TSPAN18: variants seen among roughly 807,000 people sequenced by gnomAD.
TSPAN18 encodes tetraspanin-18.
TSPAN18 carries 14 observed loss-of-function variants against 27.3 expected under a neutral mutation model. The observed-to-expected ratio is 0.51, with a 90% CI of 0.34 to 0.80. TSPAN18 has a LOEUF of 0.80. Among genes scored for constraint, TSPAN18 ranks in the 30% least tolerant of loss-of-function variants. TSPAN18 has a pLI of 0.01. For missense variants in TSPAN18, 268 were observed against 323.9 expected, an observed-to-expected ratio of 0.83 and a Z score of 1.32; for synonymous variants, 143 against 136.5, an observed-to-expected ratio of 1.05 and a Z score of -0.33.
chr11:44,794,405 T>C (rs534135953), intron 2 of TSPAN18, among the ~76,000 whole-genome samples: 15 of 152,308 alleles, frequency 9.8e-5, no homozygotes, highest in Non-Finnish European at 2.2e-4. Flanking sequence ...TGGTAGCTCA[T>C]GCCTGTAATC....
At chr11:44,790,418 T>TGC (rs1338827313) in intron 2 of TSPAN18, among the ~76,000 whole-genome samples, 1 of 150,848 alleles carries the variant, frequency 6.6e-6, no homozygotes, top group African/African-American at 2.4e-5. Flanking sequence ...TGTGTGCATG[T>TGC]GTGTGCATGT....
At chr11:44,858,097 G>C (rs1857784072) in intron 2 of TSPAN18, among the ~76,000 whole-genome samples, 1 of 152,202 alleles carries the variant, frequency 6.6e-6, no homozygotes. Flanking sequence ...ATAAAACGGG[G>C]ATGATAGCAC....
chr11:44,910,490 G>C (rs1161026723), intron 5 of TSPAN18, among the ~76,000 whole-genome samples: 1 of 152,210 alleles, frequency 6.6e-6, no homozygotes, highest in Non-Finnish European at 1.5e-5. Flanking sequence ...TGGCATCCAG[G>C]TCTGAACAAC....
intron 3 of TSPAN18, among the ~76,000 whole-genome samples, chr11:44,897,492 G>T (rs1410295092): frequency 6.6e-6 from 1 of 152,202 alleles, no homozygotes; most frequent in Non-Finnish European, 1.5e-5. Flanking sequence ...GCTAGAATCT[G>T]CAAGTCTATT....
At chr11:44,892,096 T>C (rs111754467) in intron 3 of TSPAN18, among the ~76,000 whole-genome samples, 2,629 of 152,176 alleles carry the variant, frequency 0.017, 36 homozygotes, top group Middle Eastern at 0.048. Flanking sequence ...GGCTGTCTGC[T>C]CTCCCCACAG....
At chr11:44,767,415 G>A (rs1453978417) in intron 2 of TSPAN18, among the ~76,000 whole-genome samples, 1 of 152,260 alleles carries the variant, frequency 6.6e-6, no homozygotes, top group Non-Finnish European at 1.5e-5. Flanking sequence ...GACAGTGTTT[G>A]TGGGAGCTCC....
At chr11:44,807,452 C>T (rs1353464731) in intron 2 of TSPAN18, among the ~76,000 whole-genome samples, 5 of 137,384 alleles carry the variant, frequency 3.6e-5, no homozygotes, top group Non-Finnish European at 7.6e-5. Flanking sequence ...TGCTTGAATC[C>T]GGGAGGCGGA....
At chr11:44,838,998 G>A (rs1857315917) in intron 2 of TSPAN18, among the ~76,000 whole-genome samples, 1 of 152,152 alleles carries the variant, frequency 6.6e-6, no homozygotes, top group South Asian at 2.1e-4. Flanking sequence ...TTTTGTCAAT[G>A]TGGCTAACAT....
At chr11:44,765,356 G>A (rs542342280) in intron 2 of TSPAN18, among the ~76,000 whole-genome samples, 4 of 152,286 alleles carry the variant, frequency 2.6e-5, no homozygotes, top group South Asian at 2.1e-4. Flanking sequence ...TGAAAACTCC[G>A]AGGAGATCTG....
intron 2 of TSPAN18, among the ~76,000 whole-genome samples, chr11:44,829,488 G>T (rs1857111427): frequency 6.6e-6 from 1 of 152,012 alleles, no homozygotes; most frequent in Non-Finnish European, 1.5e-5. Flanking sequence ...TGCATTTAAG[G>T]TTCCCTCATG....
At chr11:44,913,489 A>G (rs773023970) in intron 5 of TSPAN18, among the ~76,000 whole-genome samples, 125 of 152,178 alleles carry the variant, frequency 8.2e-4, no homozygotes, top group Non-Finnish European at 1.6e-3. Flanking sequence ...TATTTCAAGG[A>G]TTTTTTTAAG....
intron 9 of TSPAN18, among the ~76,000 whole-genome samples, chr11:44,927,948 T>TCCCAG (rs1860429396): frequency 1.3e-5 from 2 of 152,112 alleles, no homozygotes; most frequent in South Asian, 4.1e-4. Context: ...GCTGCCTCAC[T>TCCCAG]CCCAGCCCAG....
At chr11:44,790,144 C>CGTGTGTGCATGTGT (rs57149954) in intron 2 of TSPAN18, among the ~76,000 whole-genome samples, 4 of 138,196 alleles carry the variant, frequency 2.9e-5, no homozygotes, top group Admixed American at 1.5e-4. Flanking sequence ...TTTCCACCCG[C>CGTGTGTGCATGTGT]GTGTGTGCAT....
At chr11:44,759,995 A>G (rs1855415868) in intron 1 of TSPAN18, among the ~76,000 whole-genome samples, 1 of 152,216 alleles carries the variant, frequency 6.6e-6, no homozygotes, top group South Asian at 2.1e-4. Flanking sequence ...GGTGAAACTC[A>G]GGGTTAGGAA....
At chr11:44,747,941 AG>A (rs1855118544) in intron 1 of TSPAN18, among the ~76,000 whole-genome samples, 1 of 152,032 alleles carries the variant, frequency 6.6e-6, no homozygotes, top group East Asian at 1.9e-4. Flanking sequence ...TCATCCCCCC[AG>A]TTCCCTCCCT....
At chr11:44,811,874 T>C (rs1856724738) in intron 2 of TSPAN18, among the ~76,000 whole-genome samples, 1 of 152,238 alleles carries the variant, frequency 6.6e-6, no homozygotes, top group East Asian at 1.9e-4. Flanking sequence ...ACAAGTTCCT[T>C]AATGAAGATG....
intron 2 of TSPAN18, among the ~76,000 whole-genome samples, chr11:44,779,237 AC>A (rs1293779397): frequency 2.6e-5 from 4 of 151,848 alleles, no homozygotes; most frequent in Non-Finnish European, 4.4e-5. Context: ...TTCTCAGTTT[AC>A]CCCAGGTCAT....
At chr11:44,907,494 A>G (rs116572488) in intron 4 of TSPAN18, among the ~76,000 whole-genome samples, 3,260 of 152,216 alleles carry the variant, frequency 0.021, 105 homozygotes, top group African/African-American at 0.073. Context: ...TAAAAAATAT[A>G]CACTTCAGCA....
At chr11:44,919,365 T>A in intron 7 of TSPAN18, 53 bp downstream of exon 7, 1 of 1,459,608 alleles carries the variant, frequency 6.9e-7, no homozygotes, top group South Asian at 1.1e-5. Flanking sequence ...ATGCCCAGTG[T>A]TCACATGCCC....
Sources: gnomAD v4.1 joint callset for allele counts (sites outside exome capture counted in the v4.1 genomes callset) on GRCh38, gnomAD v4.1.1 for gene constraint, MANE v1.5 for transcripts, NCBI Gene and HGNC (gene_info 2026-07-23, HGNC 2026-07-21) for gene names.